PPP3CA: variants seen among roughly 807,000 people sequenced by gnomAD.
PPP3CA encodes protein phosphatase 3 catalytic subunit alpha, also known as CAM-PRP catalytic subunit.
A neutral mutation model predicts 66.5 loss-of-function variants in PPP3CA; 14 were observed. The observed-to-expected ratio is 0.21, with a 90% CI of 0.14 to 0.33. PPP3CA has a LOEUF of 0.33. PPP3CA is among the 10% of genes least tolerant of loss of function. The probability of loss-of-function intolerance (pLI) is 1.00; values close to 1 mark genes in which losing one functional copy is unlikely to be tolerated. For missense variants in PPP3CA, 317 were observed against 639.5 expected (o/e 0.50, Z 5.44); for synonymous variants, 232 against 226.2 (o/e 1.03, Z -0.23).
intron 6 of PPP3CA, among the ~76,000 whole-genome samples, chr4:101,088,235 G>A (rs150707237): frequency 3.3e-3 from 501 of 152,186 alleles, no homozygotes; most frequent in African/African-American, 0.011. Flanking sequence ...TCTGCTTTGT[G>A]AGCTCTGCTA....
At chr4:101,078,795 T>C (rs1283169161) in intron 8 of PPP3CA, among the ~76,000 whole-genome samples, 3 of 152,218 alleles carry the variant, frequency 2.0e-5, no homozygotes, top group Non-Finnish European at 4.4e-5. Flanking sequence ...ATCAATTTTA[T>C]TCAAATACAA....
intron 1 of PPP3CA, among the ~76,000 whole-genome samples, chr4:101,259,153 A>G (rs1424655560): frequency 6.6e-6 from 1 of 152,026 alleles, no homozygotes; most frequent in Non-Finnish European, 1.5e-5. Context: ...CTCCTCTATC[A>G]TCATTCCTCT....
chr4:101,043,837 T>C (rs534007087), intron 10 of PPP3CA, among the ~76,000 whole-genome samples: 1 of 152,140 alleles, frequency 6.6e-6, no homozygotes, highest in Non-Finnish European at 1.5e-5. Context: ...ATTGTGCCAT[T>C]GCACTCCAGC....
Position 101,106,463 on chromosome 4 carries a change from A to AGAAAGAAGAGAAG in PPP3CA, c.384+2490_384+2491insCTTCTCTTCTTTC, listed in dbSNP as rs1560605247. Among the ~76,000 whole-genome samples, 22 of 33,756 alleles carry AGAAAGAAGAGAAG rather than the reference A, an allele frequency of 6.5e-4. 7 individuals are homozygous for AGAAAGAAGAGAAG. Among genetic ancestry groups the AGAAAGAAGAGAAG allele is most frequent in the African/African-American group, 3.1e-3 (18 of 5,716 alleles). The allele number at this position is 33,756 out of a possible 152,430, so 22.1% of individuals were successfully genotyped here. A position where few individuals can be genotyped will look rare whatever the true frequency, so the allele number is the denominator to read the frequency against. The stretch of plus-strand genomic sequence containing the variant: ...AAAGAAAGAAAGAAAGAGAAAAGAA[A>AGAAAGAAGAGAAG]AGAAAAGAAAAGAAAAGAAAAGAAA... On this transcript the variant is annotated intron_variant, in intron 3 of 13. Transcript: ENST00000394854.
At chr4:101,252,685 T>C (rs1255768821) in intron 1 of PPP3CA, among the ~76,000 whole-genome samples, 2 of 152,214 alleles carry the variant, frequency 1.3e-5, no homozygotes, top group Admixed American at 1.3e-4. Context: ...GCTTTATGGA[T>C]ACTTGAAAGT....
intron 1 of PPP3CA, chr4:101,250,370 A>G (rs1161255116): frequency 4.4e-6 from 2 of 456,116 alleles, no homozygotes; most frequent in Non-Finnish European, 8.8e-6. Context: ...CTTAGTTTCA[A>G]CATCTGTAAA....
chr4:101,083,454 T>G (rs1325835126), intron 6 of PPP3CA, among the ~76,000 whole-genome samples, 191 bp from the exon 7 acceptor site: 1 of 152,148 alleles, frequency 6.6e-6, no homozygotes, highest in Non-Finnish European at 1.5e-5. Flanking sequence ...CTGTACTTTT[T>G]ACATAATCAG....
At chr4:101,068,860 C>T (rs1728790721) in intron 8 of PPP3CA, among the ~76,000 whole-genome samples, 2 of 152,232 alleles carry the variant, frequency 1.3e-5, no homozygotes, top group African/African-American at 4.8e-5. Context: ...AGATCATAAG[C>T]TTAAGTGAAA....
At chr4:101,178,951 A>T (rs62305939) in intron 2 of PPP3CA, among the ~76,000 whole-genome samples, 10,895 of 152,142 alleles carry the variant, frequency 0.072, 459 homozygotes, top group Middle Eastern at 0.19. Flanking sequence ...CTTAGTCAGC[A>T]GATAATTATT....
intron 2 of PPP3CA, 39 bp downstream of exon 2, chr4:101,195,877 T>C (rs754484107): frequency 6.5e-5 from 102 of 1,563,466 alleles, no homozygotes; most frequent in Non-Finnish European, 8.7e-5. Flanking sequence ...AACAACAAAA[T>C]GTGTATACAA....
chr4:101,322,620 G>C (rs974931104), intron 1 of PPP3CA, among the ~76,000 whole-genome samples: 4 of 151,974 alleles, frequency 2.6e-5, no homozygotes, highest in Admixed American at 2.0e-4. Context: ...ATGCTGGCCA[G>C]GCTGGTCTCG....
chr4:101,253,147 T>C (rs1726731585), intron 1 of PPP3CA, among the ~76,000 whole-genome samples: 1 of 152,200 alleles, frequency 6.6e-6, no homozygotes, highest in Non-Finnish European at 1.5e-5. Flanking sequence ...AGATTGCTCA[T>C]TAAAAGTGTT....
intron 8 of PPP3CA, among the ~76,000 whole-genome samples, chr4:101,074,274 C>T (rs1004529112): frequency 3.9e-5 from 6 of 152,142 alleles, no homozygotes; most frequent in African/African-American, 1.4e-4. Flanking sequence ...ATTCCACTTT[C>T]CTTTCGGAGA....
intron 2 of PPP3CA, among the ~76,000 whole-genome samples, chr4:101,109,308 T>TAAAAAAAAAAAAAA (rs70961775): frequency 3.3e-5 from 3 of 90,058 alleles, no homozygotes; most frequent in African/African-American, 8.5e-5. Context: ...ACAGATTAAC[T>TAAAAAAAAAAAAAA]AAAAAAAAAA....
chr4:101,033,313 C>A (rs576160795), intron 11 of PPP3CA, among the ~76,000 whole-genome samples: 4 of 129,456 alleles, frequency 3.1e-5, no homozygotes, highest in African/African-American at 1.6e-4. Context: ...CACACACACA[C>A]ACACACACAC....
At chr4:101,320,268 C>T (rs886118910) in intron 1 of PPP3CA, among the ~76,000 whole-genome samples, 2 of 151,822 alleles carry the variant, frequency 1.3e-5, no homozygotes, top group African/African-American at 4.8e-5. Flanking sequence ...TAGGCATTAG[C>T]ATTAGGGAGG....
intron 9 of PPP3CA, among the ~76,000 whole-genome samples, chr4:101,062,350 A>C (rs1008713120): frequency 1.3e-5 from 2 of 151,970 alleles, no homozygotes; most frequent in African/African-American, 4.8e-5. Context: ...TGACTGGTTT[A>C]ATCATTTTAG....
intron 2 of PPP3CA, among the ~76,000 whole-genome samples, chr4:101,135,882 A>G (rs1198801180): frequency 2.0e-5 from 3 of 152,316 alleles, no homozygotes; most frequent in Non-Finnish European, 4.4e-5. Context: ...CTTTGGGTAA[A>G]CAGCTTGAAC....
chr4:101,142,167 T>C (rs1454993498), intron 2 of PPP3CA, among the ~76,000 whole-genome samples: 1 of 152,138 alleles, frequency 6.6e-6, no homozygotes, highest in East Asian at 1.9e-4. Context: ...AAGCAAAGTA[T>C]ACTAGAAACG....
Sources: gnomAD v4.1 joint callset for allele counts (sites outside exome capture counted in the v4.1 genomes callset) on GRCh38, gnomAD v4.1.1 for gene constraint, MANE v1.5 for transcripts, NCBI Gene and HGNC (gene_info 2026-07-23, HGNC 2026-07-21) for gene names.